The following TASP1 variants were observed in gnomAD, a reference collection of about 807,000 sequenced individuals.
TASP1 encodes the protein taspase 1.
TASP1 carries 16 observed loss-of-function variants against 56.6 expected under a neutral mutation model. The observed-to-expected ratio is 0.28, with a 90% CI of 0.19 to 0.43. The LOEUF is 0.43. TASP1 is among the 20% of genes least tolerant of loss of function. The pLI is 1.00. For synonymous variants in TASP1, 179 were observed against 184.2 expected (o/e 0.97, Z 0.23); for missense variants, 393 against 511.6 (o/e 0.77, Z 2.24).
the TASP1 span, among the ~76,000 whole-genome samples, chr20:13,244,952 G>T: frequency 6.6e-6 from 1 of 152,312 alleles, no homozygotes; most frequent in South Asian, 2.1e-4. Context: ...TGGAAACAAT[G>T]AAAGAAAGGA....
the TASP1 span, among the ~76,000 whole-genome samples, chr20:13,247,517 G>GGGGGGTGTGTGTGTGTGTGT: frequency 4.3e-5 from 6 of 139,806 alleles, no homozygotes; most frequent in African/African-American, 1.6e-4. Flanking sequence ...CAAAGTGAGG[G>GGGGGGTGTGTGTGTGTGTGT]GTGTGTGTGT....
the TASP1 span, among the ~76,000 whole-genome samples, chr20:13,369,404 TCA>T: frequency 1.3e-5 from 2 of 152,168 alleles, no homozygotes; most frequent in Non-Finnish European, 2.9e-5. Context: ...CAAGATTGCA[TCA>T]TTGCACTCCA....
intron 12 of TASP1, among the ~76,000 whole-genome samples, chr20:13,423,794 A>G (rs148730534): frequency 3.3e-5 from 5 of 152,292 alleles, no homozygotes; most frequent in African/African-American, 1.2e-4. Context: ...TAATGCCTCT[A>G]AAAATCTTGA....
intron 10 of TASP1, among the ~76,000 whole-genome samples, chr20:13,495,953 C>G (rs542348980): frequency 6.6e-6 from 1 of 152,178 alleles, no homozygotes; most frequent in South Asian, 2.1e-4. Context: ...TCCATAGGGT[C>G]TACAAATCCC....
intron 10 of TASP1, among the ~76,000 whole-genome samples, chr20:13,505,164 A>C (rs534390662): frequency 1.3e-5 from 2 of 152,272 alleles, no homozygotes; most frequent in South Asian, 4.1e-4. Flanking sequence ...AAAAGGTGTA[A>C]CAACAGATAA....
intron 1 of TASP1, among the ~76,000 whole-genome samples, chr20:13,637,032 T>C (rs1006817010): frequency 2.6e-5 from 4 of 152,204 alleles, no homozygotes; most frequent in Non-Finnish European, 4.4e-5. Flanking sequence ...ATTTAGAATA[T>C]AGAAAGAACT....
chr20:13,258,439 T>C, the TASP1 span, among the ~76,000 whole-genome samples: 1 of 152,174 alleles, frequency 6.6e-6, no homozygotes, highest in Admixed American at 6.5e-5. Context: ...TTTGTCCAGA[T>C]ATGTTAAATT....
At chr20:13,288,526 TG>T in the TASP1 span, 1 of 1,612,692 alleles carries the variant, frequency 6.2e-7, no homozygotes, top group Non-Finnish European at 8.5e-7. Context: ...ACCATCTCCC[TG>T]GCTGTCTTCC....
intron 6 of TASP1, among the ~76,000 whole-genome samples, chr20:13,577,087 G>C (rs1468542541): frequency 6.6e-6 from 1 of 152,076 alleles, no homozygotes; most frequent in Non-Finnish European, 1.5e-5. Context: ...AGAAAATCAG[G>C]GTTATTGTTA....
chr20:13,167,028 C>T, the TASP1 span: 10 of 152,192 alleles, frequency 6.6e-5, no homozygotes, highest in East Asian at 1.9e-3. Flanking sequence ...GTTAGAGAGT[C>T]CATGTTGAAT....
chr20:13,365,522 A>G, the TASP1 span, among the ~76,000 whole-genome samples: 1 of 152,224 alleles, frequency 6.6e-6, no homozygotes, highest in Non-Finnish European at 1.5e-5. Context: ...GTGATAGTTG[A>G]GCATAGGCCT....
At chr20:13,169,886 T>C in the TASP1 span, among the ~76,000 whole-genome samples, 1 of 152,222 alleles carries the variant, frequency 6.6e-6, no homozygotes, top group African/African-American at 2.4e-5. Context: ...AACATTTTAC[T>C]GAGTATCTCT....
chr20:13,616,986 G>T, intron 4 of TASP1: 2 of 448,006 alleles, frequency 4.5e-6, no homozygotes, highest in East Asian at 7.0e-5. Context: ...TCCCATCTGC[G>T]TACAGCTCTT....
the TASP1 span, among the ~76,000 whole-genome samples, chr20:13,127,395 T>C: frequency 1.8e-4 from 27 of 152,224 alleles, no homozygotes; most frequent in Middle Eastern, 3.2e-3. Context: ...CCAGGCAAAC[T>C]GGTGAGCACA....
intron 12 of TASP1, among the ~76,000 whole-genome samples, chr20:13,429,334 T>C (rs576411580): frequency 1.3e-5 from 2 of 152,304 alleles, no homozygotes; most frequent in Admixed American, 6.5e-5. Flanking sequence ...CAAGAGCATA[T>C]GCAAGTTATT....
At chr20:13,222,341 T>G in the TASP1 span, among the ~76,000 whole-genome samples, 1 of 152,266 alleles carries the variant, frequency 6.6e-6, no homozygotes. Flanking sequence ...CTGAAGTCTT[T>G]GGGAGAAAGA....
intron 10 of TASP1, among the ~76,000 whole-genome samples, chr20:13,485,356 C>T (rs932580418): frequency 2.6e-5 from 4 of 151,828 alleles, no homozygotes; most frequent in Admixed American, 1.3e-4. Context: ...TTCAGCAAGA[C>T]TGGAAAATGA....
At chr20:13,621,330 C>G (rs752817698) in intron 4 of TASP1, among the ~76,000 whole-genome samples, 3 of 152,138 alleles carry the variant, frequency 2.0e-5, no homozygotes, top group Non-Finnish European at 4.4e-5. Flanking sequence ...ACACGGGAGG[C>G]TGAGGCACAA....
the TASP1 span, among the ~76,000 whole-genome samples, chr20:13,306,121 G>C: frequency 6.6e-6 from 1 of 152,146 alleles, no homozygotes; most frequent in Non-Finnish European, 1.5e-5. Context: ...TTTCATTCTT[G>C]AGGCATGTAA....
Sources: allele counts gnomAD v4.1 joint callset (sites outside exome capture counted in the v4.1 genomes callset), GRCh38; gene constraint gnomAD v4.1.1; transcripts MANE v1.5; gene names NCBI Gene and HGNC (gene_info 2026-07-23, HGNC 2026-07-21).